Variants in ERAP1 observed in about 807,000 individuals in gnomAD.
ERAP1 encodes adipocyte-derived leucine aminopeptidase.
Under a neutral mutation model 103.7 loss-of-function variants are expected in ERAP1, and 86 were observed. The observed-to-expected ratio is 0.83, with a 90% CI of 0.70 to 0.99. ERAP1 has a LOEUF of 0.99. Ranked by LOEUF, ERAP1 falls within the 50% of genes least tolerant of loss-of-function variation. The probability of loss-of-function intolerance (pLI) is 0.00; values close to 1 mark genes in which losing one functional copy is unlikely to be tolerated. For synonymous variants in ERAP1, 398 were observed against 402.4 expected, an observed-to-expected ratio of 0.99 and a Z score of 0.13; for missense variants, 1,009 against 1,128.4, an observed-to-expected ratio of 0.89 and a Z score of 1.52.
At chr5:96,794,944 G>A in intron 5 of ERAP1, 98 bp downstream of exon 5, 2 of 1,446,884 alleles carry the variant, frequency 1.4e-6, no homozygotes, top group East Asian at 2.5e-5. Flanking sequence ...GTGGCTTGAG[G>A]GGCTGCTGAG....
At chr5:96,792,544 T>C (rs1325865827) in intron 7 of ERAP1, among the ~76,000 whole-genome samples, 1 of 152,158 alleles carries the variant, frequency 6.6e-6, no homozygotes, top group African/African-American at 2.4e-5. Flanking sequence ...GTCTGTACTG[T>C]TTTAGAGCAA....
the ERAP1 span, among the ~76,000 whole-genome samples, chr5:96,924,923 C>T: frequency 6.6e-6 from 1 of 152,076 alleles, no homozygotes; most frequent in Non-Finnish European, 1.5e-5. Flanking sequence ...AATGTTTTTT[C>T]TATCTTCTGA....
the ERAP1 span, among the ~76,000 whole-genome samples, chr5:96,923,984 G>A: frequency 6.4e-4 from 97 of 152,236 alleles, no homozygotes; most frequent in African/African-American, 2.2e-3. Flanking sequence ...AGTACTGGTT[G>A]GGTAGGAGGA....
upstream of ERAP1, chr5:96,808,216 G>GTGTGTGTGTGTGTGTGTGTTGAGA (rs1778901293): frequency 2.8e-6 from 1 of 357,838 alleles, no homozygotes; most frequent in African/African-American, 2.5e-5. Flanking sequence ...GTGTGTGTGT[G>GTGTGTGTGTGTGTGTGTGTTGAGA]TGTGTGTGTG....
chr5:96,926,830 G>GTTTT, the ERAP1 span, among the ~76,000 whole-genome samples: 2 of 151,842 alleles, frequency 1.3e-5, no homozygotes, highest in East Asian at 1.9e-4. Flanking sequence ...TTGTTTGTTT[G>GTTTT]TTTCAAGACA....
At chr5:96,813,206 A>G in the ERAP1 span, among the ~76,000 whole-genome samples, 4 of 152,192 alleles carry the variant, frequency 2.6e-5, no homozygotes, top group Non-Finnish European at 5.9e-5. Flanking sequence ...GAACAAATGA[A>G]GTGTTTAGAG....
chr5:96,881,430 G>C, the ERAP1 span: 10 of 456,146 alleles, frequency 2.2e-5, no homozygotes, highest in Admixed American at 4.7e-5. Context: ...AATCAAGGAT[G>C]CTTCATAGAG....
the ERAP1 span, chr5:96,876,342 C>T: frequency 2.0e-5 from 3 of 152,300 alleles, no homozygotes; most frequent in Non-Finnish European, 4.4e-5. Context: ...TTTGTGCATT[C>T]TACAAAAAGT....
At chr5:96,762,443 T>G in exon 20 of ERAP1, 3 of 1,082,040 alleles carry the variant, frequency 2.8e-6, no homozygotes, top group Non-Finnish European at 2.7e-6. Flanking sequence ...ATAGGGCGCC[T>G]GTTTAAAGCA....
At chr5:96,933,809 G>A in the ERAP1 span, among the ~76,000 whole-genome samples, 1 of 152,200 alleles carries the variant, frequency 6.6e-6, no homozygotes, top group African/African-American at 2.4e-5. Flanking sequence ...AATGTGTGAA[G>A]TATGTTAACA....
At chr5:96,912,045 C>T in the ERAP1 span, among the ~76,000 whole-genome samples, 3 of 150,872 alleles carry the variant, frequency 2.0e-5, no homozygotes, top group Non-Finnish European at 4.4e-5. Context: ...AAAAAATTAG[C>T]CGGGCGCGGT....
Position 96,762,237 on chromosome 5 carries a change from T to TACA in ERAP1, c.*960_*962dup, listed in dbSNP as rs779151115. ...ATGGCATTGTGCTCATAATTTTATA[T>TACA]ACAACATGTTACTAATAAAATTTTT... is the stretch of plus-strand genomic sequence containing the variant. On this transcript the variant is annotated 3_prime_UTR_variant, in exon 20 of 20. Transcript: ENST00000296754. The TACA allele has an allele frequency of 3.7e-6, 5 of 1,368,216 alleles. No homozygotes were observed. The East Asian group carries it at 1.2e-4, about 32-fold the overall frequency. The allele number at this position is 1,368,216 out of a possible 1,614,324, so 84.8% of individuals were successfully genotyped here. A position where few individuals can be genotyped will look rare whatever the true frequency, so the allele number is the denominator to read the frequency against.
At chr5:96,862,141 C>T in the ERAP1 span, among the ~76,000 whole-genome samples, 1 of 152,232 alleles carries the variant, frequency 6.6e-6, no homozygotes, top group African/African-American at 2.4e-5. Flanking sequence ...CAATCATGCC[C>T]AGCTAGTTTT....
chr5:96,839,531 G>A, the ERAP1 span, among the ~76,000 whole-genome samples: 5 of 152,182 alleles, frequency 3.3e-5, no homozygotes, highest in African/African-American at 1.2e-4. Context: ...CAGGGACAAA[G>A]ACCAGCCAAA....
chr5:96,848,241 G>A, the ERAP1 span, among the ~76,000 whole-genome samples: 2 of 152,024 alleles, frequency 1.3e-5, no homozygotes, highest in Non-Finnish European at 2.9e-5. Context: ...AGTAGAGATG[G>A]GATTTCACCA....
At chr5:96,770,143 C>T (rs1035440082), downstream of ERAP1, 1 of 186,940 alleles carries the variant, frequency 5.3e-6, no homozygotes, top group African/African-American at 2.3e-5. Context: ...AACCTATATA[C>T]TGTTTTCCAT....
At chr5:96,823,631 G>A in the ERAP1 span, among the ~76,000 whole-genome samples, 1 of 152,182 alleles carries the variant, frequency 6.6e-6, no homozygotes, top group Non-Finnish European at 1.5e-5. Context: ...CTAGGCTGGT[G>A]AGAAATTCCA....
At chr5:96,922,990 T>G in the ERAP1 span, among the ~76,000 whole-genome samples, 2 of 134,098 alleles carry the variant, frequency 1.5e-5, no homozygotes, top group African/African-American at 5.7e-5. Flanking sequence ...TGTTTTTTGT[T>G]TTTTTTGAGA....
chr5:96,847,406 T>A, the ERAP1 span, among the ~76,000 whole-genome samples: 1 of 152,030 alleles, frequency 6.6e-6, no homozygotes, highest in Non-Finnish European at 1.5e-5. Flanking sequence ...CCCAACACAA[T>A]GGAAAGATCA....
Sources: allele counts gnomAD v4.1 joint callset (sites outside exome capture counted in the v4.1 genomes callset), GRCh38; gene constraint gnomAD v4.1.1; transcripts MANE v1.5; gene names NCBI Gene and HGNC (gene_info 2026-07-23, HGNC 2026-07-21).